The following TAF8 variants were observed in gnomAD, a reference collection of about 807,000 sequenced individuals.
The protein encoded by TAF8 is transcription initiation factor TFIID subunit 8.
A neutral mutation model predicts 36.5 loss-of-function variants in TAF8; 47 were observed. That is an observed-to-expected ratio of 1.29 (90% CI 1.02 to 1.64). The LOEUF (loss-of-function observed/expected upper bound fraction) is 1.64, where lower values mean the gene tolerates loss of function less well. Among genes scored for constraint, TAF8 ranks in the 40% most tolerant of loss-of-function variants. TAF8 has a pLI of 0.00. For synonymous variants in TAF8, 175 were observed against 159.5 expected, an observed-to-expected ratio of 1.10 and a Z score of -0.73; for missense variants, 420 against 407.6, an observed-to-expected ratio of 1.03 and a Z score of -0.26.
At chr6:42,086,580 C>G, downstream of TAF8, 2 of 866,358 alleles carry the variant, frequency 2.3e-6, no homozygotes, top group Admixed American at 2.0e-5. Context: ...AGAAACAAAC[C>G]TTTTAAATCA....
At chr6:42,056,614 T>G (rs1764995542) in intron 4 of TAF8, among the ~76,000 whole-genome samples, 1 of 152,180 alleles carries the variant, frequency 6.6e-6, no homozygotes, top group East Asian at 1.9e-4. Context: ...CTTTTCTTTC[T>G]TTTTTTGAGA....
At chr6:42,086,852 C>T, downstream of TAF8, 3 of 1,157,144 alleles carry the variant, frequency 2.6e-6, no homozygotes, top group Non-Finnish European at 3.8e-6. Flanking sequence ...CTCTGTGCTC[C>T]TTCCAGCCCT....
At chr6:42,068,701 C>T in intron 7 of TAF8, 94 bp downstream of exon 7, 1 of 1,509,280 alleles carries the variant, frequency 6.6e-7, no homozygotes, top group Non-Finnish European at 9.0e-7. Flanking sequence ...TGATCGACCT[C>T]AGGTCTCTTT....
intron 5 of TAF8, among the ~76,000 whole-genome samples, chr6:42,062,509 C>G (rs1765221567): frequency 1.4e-5 from 2 of 145,088 alleles, no homozygotes; most frequent in South Asian, 2.3e-4. Flanking sequence ...GATTCTGTTA[C>G]TCTTTTAGGT....
rs58805733 is a variant in TAF8, at chr6:42,081,170, AGTGT to A, written c.*3643_*3646del. The stretch of plus-strand genomic sequence containing the variant: ...TGTCCTTTATTTTCTTTCCTCCTGG[AGTGT>A]GTGTGTGTGTGTGTGTGCGTGTGTG... On this transcript the variant is annotated 3_prime_UTR_variant, in exon 9 of 9. Transcript: ENST00000372977. 55,262 of 136,928 alleles carry A rather than the reference AGTGT, an allele frequency of 0.4. 12,332 individuals carry two copies. Among genetic ancestry groups the A allele is most frequent in the Admixed American group, 0.51 (7,020 of 13,830 alleles). The allele number at this position is 136,928 out of a possible 1,614,324, so 8.5% of individuals were successfully genotyped here. A position where few individuals can be genotyped will look rare whatever the true frequency, so the allele number is the denominator to read the frequency against.
chr6:42,084,612 G>GCCACC (rs70987567), downstream of TAF8, among the ~76,000 whole-genome samples: 55,938 of 151,056 alleles, frequency 0.37, 12,423 homozygotes, highest in Non-Finnish European at 0.47. Flanking sequence ...ACAGGCACAT[G>GCCACC]CCACCGCACC....
Position 42,077,801 on chromosome 6 carries a change from G to T in TAF8, c.*256G>T, listed in dbSNP as rs1765805631. On this transcript the variant is annotated 3_prime_UTR_variant, in exon 9 of 9. Coordinates refer to ENST00000372977, the MANE Select transcript of TAF8 (RefSeq NM_138572.3). ...GATGGAGTCTTACTCTATCACCCAG[G>T]CTGGAATGCAGTGGTGTGATCTCAG... The T allele has an allele frequency of 7.8e-7, 1 of 1,285,752 alleles. No individual in the cohort carries two copies. The highest frequency in any genetic ancestry group is 1.5e-5 in the African/African-American group (1 of 65,896). 79.6% of individuals were successfully genotyped at this position (1,285,752 alleles called of 1,614,324 possible).
Position 42,066,378 on chromosome 6 carries a change from G to C in TAF8, c.556G>C (p.Val186Leu). ...GAAGGCTGCATCCCAGAGGCGCGAT[G>C]TGGAGCGGGCACTTACCCGTTTCAT... ...REKAASQRRD[V>L]ERALTRFMAK... Residue 186 changes from valine (V) to leucine (L), a missense_variant, in exon 6 of 9, where the codon GTG (valine) becomes CTG (leucine). Physicochemically the swap from Val to Leu is conservative, Grantham distance 32 (BLOSUM62 1). Coordinates refer to ENST00000372977, the MANE Select transcript of TAF8 (RefSeq NM_138572.3). 6.2e-7 allele frequency: 1 copy of C among 1,614,262 alleles called. No homozygotes were observed. The highest frequency in any genetic ancestry group is 8.5e-7 in the Non-Finnish European group (1 of 1,180,054).
At chr6:42,066,551 G>T in intron 6 of TAF8, 92 bp downstream of exon 6, 1 of 1,457,664 alleles carries the variant, frequency 6.9e-7, no homozygotes, top group Non-Finnish European at 9.5e-7. Context: ...AAACAAATAA[G>T]CTTTTGTCCT....
chr6:42,051,293 C>A, intron 1 of TAF8, 64 bp from the exon 2 acceptor site: 1 of 1,430,726 alleles, frequency 7.0e-7, no homozygotes, highest in African/African-American at 1.4e-5. Context: ...TTGCCGTTGA[C>A]CACGTATGAA....
chr6:42,054,763 C>G (rs1169196325), intron 2 of TAF8, among the ~76,000 whole-genome samples: 1 of 152,036 alleles, frequency 6.6e-6, no homozygotes, highest in Non-Finnish European at 1.5e-5. Flanking sequence ...TGCCACCTCA[C>G]CTGGCTAATT....
intron 5 of TAF8, among the ~76,000 whole-genome samples, chr6:42,059,581 G>A (rs954963090): frequency 1.3e-5 from 2 of 152,130 alleles, no homozygotes; most frequent in African/African-American, 2.4e-5. Flanking sequence ...GCCTCCAGCT[G>A]CATGACTTCT....
chr6:42,079,197 C>T lies in TAF8; in HGVS notation c.*1652C>T, dbSNP rs1348300588. On this transcript the variant is annotated 3_prime_UTR_variant, in exon 9 of 9. Coordinates refer to ENST00000372977, the MANE Select transcript of TAF8 (RefSeq NM_138572.3). ...TGAGGGTGGGGTGTTGAGGGCTGGGCCTCATCTTGTATTCTGAAAGCTGAG... is the reference window on the plus strand; with the variant it reads ...TGAGGGTGGGGTGTTGAGGGCTGGGTCTCATCTTGTATTCTGAAAGCTGAG... The T allele has an allele frequency of 5.1e-6, 5 of 985,304 alleles. No individual in the cohort carries two copies. In the African/African-American group the frequency reaches 5.2e-5, roughly 10 times the overall value. 61.0% of individuals were successfully genotyped at this position (985,304 alleles called of 1,614,324 possible).
rs62415897 is a variant in TAF8, at chr6:42,078,919, C to T, written c.*1374C>T. On this transcript the variant is annotated 3_prime_UTR_variant, in exon 9 of 9. Coordinates refer to ENST00000372977, the MANE Select transcript of TAF8 (RefSeq NM_138572.3). ...GGTGGATCACTTGAGGTCAGGAGTT[C>T]GAGACCAGCCTGGCCAACATAGTGA... 157,907 of 865,794 alleles carry T rather than the reference C, an allele frequency of 0.18. 14,321 individuals carry two copies. The highest frequency in any genetic ancestry group is 0.26 in the South Asian group (4,852 of 18,966). The allele number at this position is 865,794 out of a possible 1,614,324, so 53.6% of individuals were successfully genotyped here. A position where few individuals can be genotyped will look rare whatever the true frequency, so the allele number is the denominator to read the frequency against.
Position 42,079,399 on chromosome 6 carries a change from C to G in TAF8, c.*1854C>G, listed in dbSNP as rs1261657052. The G allele has an allele frequency of 3.0e-6, 3 of 985,278 alleles. No homozygotes were observed. Among genetic ancestry groups the G allele is most frequent in the East Asian group, 1.1e-4 (1 of 8,826 alleles). The allele number at this position is 985,278 out of a possible 1,614,324, so 61.0% of individuals were successfully genotyped here. A position where few individuals can be genotyped will look rare whatever the true frequency, so the allele number is the denominator to read the frequency against. Reference sequence around the variant, plus strand: ...GTTTTTAAGGAAGATGCTGGGCATGCTGATAGCTTTTCTGGTCTCCTAAGG... The same window carrying G: ...GTTTTTAAGGAAGATGCTGGGCATGGTGATAGCTTTTCTGGTCTCCTAAGG... On this transcript the variant is annotated 3_prime_UTR_variant, in exon 9 of 9. Transcript: ENST00000372977.
chr6:42,060,090 A>C (rs1765140029), intron 5 of TAF8, among the ~76,000 whole-genome samples: 1 of 152,220 alleles, frequency 6.6e-6, no homozygotes, highest in African/African-American at 2.4e-5. Context: ...ACAGTGTTTA[A>C]GTGAAACAGC....
intron 1 of TAF8, chr6:42,050,822 C>A (rs968419009): frequency 1.0e-6 from 1 of 955,426 alleles, no homozygotes; most frequent in Non-Finnish European, 1.4e-6. Context: ...GCCCGGAACA[C>A]CCCCGATTGG....
At chr6:42,069,029 A>G (rs1765469783) in intron 7 of TAF8, among the ~76,000 whole-genome samples, 1 of 152,084 alleles carries the variant, frequency 6.6e-6, no homozygotes, top group Non-Finnish European at 1.5e-5. Context: ...GGGTGGAGCC[A>G]TTCTAGGCAG....
At chr6:42,072,945 G>T (rs1440864262) in intron 7 of TAF8, among the ~76,000 whole-genome samples, 2 of 151,468 alleles carry the variant, frequency 1.3e-5, no homozygotes, top group Non-Finnish European at 3.0e-5. Context: ...GGATGGTCTC[G>T]ATCTCCCGAC....
Sources: allele counts gnomAD v4.1 joint callset (sites outside exome capture counted in the v4.1 genomes callset), GRCh38; gene constraint gnomAD v4.1.1; transcripts MANE v1.5; gene names NCBI Gene and HGNC (gene_info 2026-07-23, HGNC 2026-07-21).